TEDC1: variants seen among roughly 807,000 people sequenced by gnomAD.
The protein encoded by TEDC1 is tubulin epsilon and delta complex 1.
In TEDC1, 54 loss-of-function variants were observed where a neutral mutation model predicts 59.9. The ratio of observed to expected loss-of-function variants is 0.90; its 90% CI spans 0.72 to 1.13. The LOEUF is 1.13. TEDC1 is among the 50% of genes most tolerant of loss of function. The pLI, the probability that TEDC1 is intolerant of heterozygous loss-of-function variation, is 0.00. For synonymous variants in TEDC1, 353 were observed against 298.1 expected (o/e 1.18, Z -1.90); for missense variants, 734 against 683.4 (o/e 1.07, Z -0.83).
upstream of TEDC1, chr14:105,490,804 A>G: frequency 1.0e-5 from 6 of 592,316 alleles, no homozygotes; most frequent in Non-Finnish European, 1.8e-5. Context: ...GTCCGCTCCG[A>G]CTGCGTAAGC....
intron 3 of TEDC1, 105 bp from the exon 4 acceptor site, chr14:105,492,474 G>A: frequency 6.8e-7 from 1 of 1,469,048 alleles, no homozygotes; most frequent in African/African-American, 1.4e-5. Flanking sequence ...CCTGTGCAGG[G>A]AGCACCCGTT....
At chr14:105,495,695 C>T (rs769842371) in intron 5 of TEDC1, 185 bp from the exon 6 acceptor site, 72 of 600,352 alleles carry the variant, frequency 1.2e-4, no homozygotes, top group Admixed American at 6.8e-4. Context: ...CTTCTGGCCC[C>T]TGGGACCCCT....
Position 105,499,065 on chromosome 14 carries a change from C to T in TEDC1, c.*119C>T, listed in dbSNP as rs587718791. The T allele has an allele frequency of 1.0e-5, 11 of 1,099,670 alleles. No individual in the cohort carries two copies. In the East Asian group the frequency reaches 2.9e-4, roughly 29 times the overall value. 68.1% of individuals were successfully genotyped at this position (1,099,670 alleles called of 1,614,324 possible). On this transcript the variant is annotated 3_prime_UTR_variant, in exon 9 of 9. Coordinates refer to ENST00000392523, the MANE Select transcript of TEDC1 (RefSeq NM_001367178.1). ...GACGATGCAGATGCAGAGCCCACGT[C>T]ACATGCTCGCTCCAGGGGTGGGGCT... is the stretch of plus-strand genomic sequence containing the variant.
Position 105,497,462 on chromosome 14 carries a change from C to T in TEDC1, c.978+19C>T. On this transcript the variant is annotated intron_variant, in intron 7 of 8. Coordinates refer to ENST00000392523, the MANE Select transcript of TEDC1 (RefSeq NM_001367178.1). ...GTGGATGGTGAGGAAGCCCGCGCATCCCTCTCCCGGCATCCCTTCCCACAG... is the reference window on the plus strand; with the variant it reads ...GTGGATGGTGAGGAAGCCCGCGCATTCCTCTCCCGGCATCCCTTCCCACAG... 1 of 1,540,802 alleles carries T rather than the reference C, an allele frequency of 6.5e-7. No homozygotes were observed. Among genetic ancestry groups the T allele is most frequent in the Non-Finnish European group, 8.7e-7 (1 of 1,146,274 alleles).
Position 105,492,100 on chromosome 14 carries a change from G to A in TEDC1, c.227-7G>A, listed in dbSNP as rs782737665. The A allele has an allele frequency of 3.1e-6, 5 of 1,590,140 alleles. No individual in the cohort carries two copies. In the South Asian group the frequency reaches 3.4e-5, roughly 11 times the overall value. On this transcript the variant is annotated splice_polypyrimidine_tract_variant and splice_region_variant and intron_variant, in intron 2 of 8. Coordinates refer to ENST00000392523, the MANE Select transcript of TEDC1 (RefSeq NM_001367178.1). ...GGTCCCCCTAAGGTGGTGGTCTTCT[G>A]TCCTAGAGGTCCAAGCCCGCTTGGT...
intron 4 of TEDC1, 149 bp from the exon 5 acceptor site, chr14:105,493,686 A>C (rs587596284): frequency 2.0e-4 from 129 of 632,892 alleles, no homozygotes; most frequent in Middle Eastern, 1.2e-3. Flanking sequence ...AGCCCCGCCA[A>C]CCTCAGGCAA....
rs781939530 is a variant in TEDC1, at chr14:105,491,684, G to A, written c.210G>A (p.Leu70=). 1 of 1,549,128 alleles carries A rather than the reference G, an allele frequency of 6.5e-7. No individual in the cohort carries two copies. Among genetic ancestry groups the A allele is most frequent in the African/African-American group, 1.4e-5 (1 of 73,168 alleles). Residue 70 remains leucine (L), a synonymous_variant, in exon 2 of 9, where the codon TTG becomes TTA. Transcript: ENST00000392523. ...VLSPLPAGNA[L]ASLALEVQAR... ...CGCCACTCCCTGCGGGCAACGCCTT[G>A]GCATCGCTCGCCCTGGGTAAGCCCC...
Position 105,498,225 on chromosome 14 carries a change from G to A in TEDC1, c.1158+248G>A, listed in dbSNP as rs371916649. ...TTCTTTGCATGAGGGAGGGAAGCCCGTGCTGTGTGGGCCCTGCTGCTCCCA... is the reference window on the plus strand; with the variant it reads ...TTCTTTGCATGAGGGAGGGAAGCCCATGCTGTGTGGGCCCTGCTGCTCCCA... On this transcript the variant is annotated intron_variant, in intron 8 of 8. Coordinates refer to ENST00000392523, the MANE Select transcript of TEDC1 (RefSeq NM_001367178.1). Among the ~76,000 whole-genome samples, 158 of 152,284 alleles carry A rather than the reference G, an allele frequency of 1.0e-3. 1 individual carries two copies. Among genetic ancestry groups the A allele is most frequent in the African/African-American group, 3.5e-3 (146 of 41,550 alleles).
Position 105,498,687 on chromosome 14 carries a change from AGCTGGGAGCTCTACAGCAGT to A in TEDC1, c.1239_1258del (p.Leu414ArgfsTer151), listed in dbSNP as rs781835504. 4.5e-5 allele frequency: 70 copies of A among 1,553,560 alleles called. No homozygotes were observed. Among genetic ancestry groups the A allele is most frequent in the Non-Finnish European group, 5.8e-5 (67 of 1,149,174 alleles). On this transcript the variant is annotated frameshift_variant, in exon 9 of 9. Coordinates refer to ENST00000392523, the MANE Select transcript of TEDC1 (RefSeq NM_001367178.1). LOFTEE classifies it high-confidence loss of function. Reference sequence around the variant, plus strand: ...GCCTCTCGGGAGGCTGTGGAAAAGGAGCTGGGAGCTCTACAGCAGTGCTGGGAGCGAGACGGTGGCCCGGC... The same window carrying A: ...GCCTCTCGGGAGGCTGTGGAAAAGGAGCTGGGAGCGAGACGGTGGCCCGGC...
intron 6 of TEDC1, chr14:105,496,842 C>T (rs1595477746): frequency 5.7e-6 from 1 of 175,118 alleles, no homozygotes; most frequent in South Asian, 1.4e-4. Flanking sequence ...TAGGCAGACT[C>T]CTCACTGCCT....
intron 5 of TEDC1, chr14:105,494,757 C>T (rs73371843): frequency 0.08 from 12,230 of 152,520 alleles, 1,472 homozygotes; most frequent in African/African-American, 0.26. Flanking sequence ...TGCTGCTGGC[C>T]TTCCATCCTC....
chr14:105,497,037 G>A (rs1399499102), intron 6 of TEDC1: 2 of 455,112 alleles, frequency 4.4e-6, no homozygotes, highest in Admixed American at 4.2e-5. Flanking sequence ...TGGACTGGCA[G>A]TGGGGCTGGT....
Position 105,497,919 on chromosome 14 carries a change from C to T in TEDC1, c.1100C>T (p.Ala367Val), listed in dbSNP as rs369895322. Residue 367 changes from alanine (A) to valine (V), a missense_variant, in exon 8 of 9, where the codon GCA (alanine) becomes GTA (valine). Transcript: ENST00000392523. ...ELDLVVRELQ[A>V]LEEELREAAE... is the part of the protein sequence containing the mutation. ...GACCTGGTAGTGCGGGAGCTGCAGG[C>T]ACTGGAGGAGGAGCTGCGGGAGGCT... 2.2e-4 allele frequency: 344 copies of T among 1,551,360 alleles called. 1 individual carries two copies. The South Asian group carries it at 3.9e-3, about 18-fold the overall frequency.
At chr14:105,492,349 C>G (rs1555439633) in intron 3 of TEDC1, 40 bp downstream of exon 3, 5 of 1,592,854 alleles carry the variant, frequency 3.1e-6, no homozygotes, top group Non-Finnish European at 3.4e-6. Context: ...GCCCTGGTCT[C>G]AACTCCTGGG....
rs2084417222 is a variant in TEDC1, at chr14:105,499,231, C to CTG, written c.*286_*287dup. 1.9e-6 allele frequency: 1 copy of CTG among 526,362 alleles called. No homozygotes were observed. Among genetic ancestry groups the CTG allele is most frequent in the East Asian group, 3.3e-5 (1 of 30,654 alleles). 32.6% of individuals were successfully genotyped at this position (526,362 alleles called of 1,614,324 possible). On this transcript the variant is annotated 3_prime_UTR_variant, in exon 9 of 9. Transcript: ENST00000392523. ...ATAAATTGTAGCAGCTTTCCTGCCGCTGGCCCTCCCCCTGCCACCCTGTCG... is the reference window on the plus strand; with the variant it reads ...ATAAATTGTAGCAGCTTTCCTGCCGCTGTGGCCCTCCCCCTGCCACCCTGTCG...
intron 4 of TEDC1, among the ~76,000 whole-genome samples, 187 bp from the exon 5 acceptor site, chr14:105,493,648 G>A (rs1288617699): frequency 6.6e-6 from 1 of 152,160 alleles, no homozygotes; most frequent in Non-Finnish European, 1.5e-5. Context: ...GACCCCAGCG[G>A]TGCTGATGGT....
intron 8 of TEDC1, among the ~76,000 whole-genome samples, 171 bp downstream of exon 8, chr14:105,498,148 G>A (rs1485941360): frequency 6.6e-6 from 1 of 152,162 alleles, no homozygotes; most frequent in African/African-American, 2.4e-5. Context: ...GTGAGGAGCC[G>A]CAGCTGCTGC....
At chr14:105,496,354 A>G (rs2084346350) in intron 6 of TEDC1, 1 of 498,612 alleles carries the variant, frequency 2.0e-6, no homozygotes, top group South Asian at 2.2e-5. Flanking sequence ...CACACCGCCC[A>G]CAGACCTCCC....
In TEDC1 at chr14:105,497,908, G is replaced by A; in HGVS notation, c.1089G>A (p.Arg363=). The part of the protein sequence containing the change: ...RGGGELDLVV[R]ELQALEEELR... The stretch of plus-strand genomic sequence containing the variant: ...GTGGCGAGTTGGACCTGGTAGTGCG[G>A]GAGCTGCAGGCACTGGAGGAGGAGC... Residue 363 remains arginine, a synonymous_variant, in exon 8 of 9, where the codon CGG becomes CGA. Transcript: ENST00000392523. 1 of 1,553,244 alleles carries A rather than the reference G, an allele frequency of 6.4e-7. No homozygotes were observed. The highest frequency in any genetic ancestry group is 2.4e-5 in the East Asian group (1 of 41,492).
Sources: gnomAD v4.1 joint callset for allele counts (sites outside exome capture counted in the v4.1 genomes callset) on GRCh38, gnomAD v4.1.1 for gene constraint, MANE v1.5 for transcripts, NCBI Gene and HGNC (gene_info 2026-07-23, HGNC 2026-07-21) for gene names.